NUP214: variants seen among roughly 807,000 people sequenced by gnomAD.
The protein encoded by NUP214 is nucleoporin 214, also known as nuclear pore complex protein Nup214.
NUP214 carries 79 observed loss-of-function variants against 196.2 expected under a neutral mutation model. The ratio of observed to expected loss-of-function variants is 0.40; its 90% CI spans 0.34 to 0.49. The LOEUF is 0.49. NUP214 is among the 20% of genes least tolerant of loss of function. The pLI is 0.58. For synonymous variants in NUP214, 1,020 were observed against 990.5 expected (o/e 1.03, Z -0.56); for missense variants, 2,468 against 2,539.0 (o/e 0.97, Z 0.60).
At chr9:131,156,054 G>T (rs1476160524) in intron 17 of NUP214, among the ~76,000 whole-genome samples, 2 of 150,674 alleles carry the variant, frequency 1.3e-5, no homozygotes, top group African/African-American at 4.9e-5. Flanking sequence ...CATTGAATTT[G>T]TAAATTGTTT....
At chr9:131,126,778 GA>G (rs1185612634) in intron 1 of NUP214, among the ~76,000 whole-genome samples, 1 of 151,998 alleles carries the variant, frequency 6.6e-6, no homozygotes, top group Non-Finnish European at 1.5e-5. Flanking sequence ...TCGAACTCCT[GA>G]CCTAACGTGA....
chr9:131,131,277 G>GT (rs1173594118), intron 5 of NUP214, among the ~76,000 whole-genome samples: 1 of 152,234 alleles, frequency 6.6e-6, no homozygotes, highest in Non-Finnish European at 1.5e-5. Flanking sequence ...TTAAAGGTCT[G>GT]TTTGTCTAAC....
At chr9:131,202,310 G>T (rs185010575) in intron 30 of NUP214, among the ~76,000 whole-genome samples, 4 of 152,028 alleles carry the variant, frequency 2.6e-5, no homozygotes, top group African/African-American at 7.3e-5. Flanking sequence ...GCTTTTGGGG[G>T]GTTTGTTGTT....
chr9:131,139,068 A>G (rs1831826945), intron 9 of NUP214, among the ~76,000 whole-genome samples: 1 of 152,106 alleles, frequency 6.6e-6, no homozygotes, highest in African/African-American at 2.4e-5. Flanking sequence ...GTTGATTTGG[A>G]AAATTAACTT....
chr9:131,193,027 G>T (rs1026088772), intron 27 of NUP214, among the ~76,000 whole-genome samples: 1 of 150,368 alleles, frequency 6.7e-6, no homozygotes, highest in Admixed American at 6.7e-5. Context: ...AAAGATAATA[G>T]GCATTTGAAA....
chr9:131,163,076 A>C lies in NUP214; in HGVS notation c.2626A>C (p.Asn876His), dbSNP rs947271522. ...EIINQQRKRL[N>H]HLVDSLQQLR... is the part of the protein sequence containing the mutation. ...CATCAACCAACAGAGGAAGAGGCTG[A>C]ATCACCTGGTGGATAGTCTTCAGCA... is the stretch of plus-strand genomic sequence containing the variant. Residue 876 changes from asparagine to histidine, a missense_variant, in exon 19 of 36, where the codon AAT (asparagine) becomes CAT (histidine). By Grantham distance (68) the Asn-to-His change is moderately conservative. Around this residue, in one of 5 missense-constraint regions of NUP214, gnomAD observed 1,801 missense variants for 1,779.4 expected, o/e 1.01. Transcript: ENST00000359428. 6.2e-7 allele frequency: 1 copy of C among 1,614,208 alleles called. No homozygotes were observed. The highest frequency in any genetic ancestry group is 8.5e-7 in the Non-Finnish European group (1 of 1,180,040).
At chr9:131,192,118 A>G (rs1301753635) in intron 26 of NUP214, 90 bp from the exon 27 acceptor site, 5 of 849,618 alleles carry the variant, frequency 5.9e-6, no homozygotes, top group Admixed American at 6.0e-5. Context: ...TCACAGGCTG[A>G]GCTACAGGGA....
intron 27 of NUP214, among the ~76,000 whole-genome samples, chr9:131,193,229 A>T (rs1006386954): frequency 3.4e-5 from 5 of 146,248 alleles, no homozygotes; most frequent in Admixed American, 6.7e-5. Flanking sequence ...AACCTGTGTG[A>T]GCTGCTGAAG....
At chr9:131,140,392 C>T (rs914194820) in intron 10 of NUP214, among the ~76,000 whole-genome samples, 157 bp from the exon 11 acceptor site, 16 of 152,242 alleles carry the variant, frequency 1.1e-4, no homozygotes, top group South Asian at 2.1e-4. Flanking sequence ...AGCTGGTGCA[C>T]GAAAGGCTGT....
Position 131,152,437 on chromosome 9 carries a change from A to G in NUP214, c.2436+543A>G, listed in dbSNP as rs550278942. On this transcript the variant is annotated intron_variant, in intron 17 of 35. Transcript: ENST00000359428. ...AAATTTTTTATTAAACCTTAAGCTT[A>G]ATAGAGAATACTCTGTTGAAACATG... Among the ~76,000 whole-genome samples the G allele has an allele frequency of 9.9e-5, 15 of 152,188 alleles. 1 individual carries two copies. The South Asian group carries it at 3.1e-3, about 32-fold the overall frequency.
chr9:131,153,476 G>A (rs905413436), intron 17 of NUP214: 16 of 152,160 alleles, frequency 1.1e-4, no homozygotes, highest in African/African-American at 3.6e-4. Context: ...CTCTCAGCAA[G>A]AGAGTGCTGC....
chr9:131,221,952 C>A (rs1437809479), intron 31 of NUP214, among the ~76,000 whole-genome samples: 1 of 151,702 alleles, frequency 6.6e-6, no homozygotes, highest in African/African-American at 2.4e-5. Context: ...TATTATCTGT[C>A]AGGTTTGCAT....
chr9:131,232,576 G>T lies in NUP214; in HGVS notation c.6239+268G>T, dbSNP rs1315848133. On this transcript the variant is annotated intron_variant, in intron 35 of 35. Coordinates refer to ENST00000359428, the MANE Select transcript of NUP214 (RefSeq NM_005085.4). This position sits in a 1 kb window ranked among gnomAD's most constrained non-coding sequence, Gnocchi z 5.1. ...ACGCCTGCCAGTGAGCTGGGCCTGA[G>T]GGCAGCGCTGAGGAGATGCTGCTCC... 1.4e-5 allele frequency: 8 copies of T among 555,666 alleles called. No homozygotes were observed. Among genetic ancestry groups the T allele is most frequent in the African/African-American group, 3.8e-5 (2 of 52,864 alleles). The allele number at this position is 555,666 out of a possible 1,614,324, so 34.4% of individuals were successfully genotyped here.
Position 131,197,663 on chromosome 9 carries a change from C to T in NUP214, c.4169C>T (p.Ser1390Phe), listed in dbSNP as rs143355140. The T allele has an allele frequency of 2.5e-6, 4 of 1,614,078 alleles. No homozygotes were observed. The African/African-American group carries it at 5.3e-5, about 22-fold the overall frequency. Residue 1390 changes from serine to phenylalanine, a missense_variant, in exon 29 of 36, where the codon TCC (serine) becomes TTC (phenylalanine). This residue lies in a region of NUP214 where 1,801 missense variants were observed against 1,779.4 expected (regional missense o/e 1.01). Transcript: ENST00000359428. ...AAGCACACGGAGCCCCCTGTGACAT[C>T]CTCTGCAACCACCACCTCAGTAGCA... ...LGKHTEPPVT[S>F]SATTTSVAPP...
At chr9:131,213,791 G>GTTGTT (rs549300685) in intron 30 of NUP214, among the ~76,000 whole-genome samples, 63 of 17,682 alleles carry the variant, frequency 3.6e-3, no homozygotes, top group South Asian at 8.7e-3. Context: ...TTGTTGTTAA[G>GTTGTT]AAATTTAAAG....
intron 32 of NUP214, among the ~76,000 whole-genome samples, chr9:131,224,836 G>C (rs141423702): frequency 6.6e-6 from 1 of 152,238 alleles, no homozygotes. Flanking sequence ...AAGGTGCATC[G>C]TGAACATTTC....
In NUP214 at chr9:131,130,151, G is replaced by GTTTTTTTTTTTTTT. The variant is rs56836232; in HGVS notation, c.593-605_593-604insTTTTTTTTTTTTTT. On this transcript the variant is annotated intron_variant, in intron 4 of 35. Transcript: ENST00000359428. ...TTTCTGGTTTTGTTTTTTTTTTTTT[G>GTTTTTTTTTTTTTT]TTTTTTTTTTGAGACAGAGTCTTGC... Among the ~76,000 whole-genome samples the GTTTTTTTTTTTTTT allele has an allele frequency of 2.2e-4, 24 of 109,212 alleles. 3 individuals are homozygous for GTTTTTTTTTTTTTT. Among genetic ancestry groups the GTTTTTTTTTTTTTT allele is most frequent in the African/African-American group, 7.6e-4 (21 of 27,644 alleles). 71.6% of individuals were successfully genotyped at this position (109,212 alleles called of 152,430 possible). A position where few individuals can be genotyped will look rare whatever the true frequency, so the allele number is the denominator to read the frequency against.
intron 21 of NUP214, among the ~76,000 whole-genome samples, chr9:131,166,460 T>G (rs1050036403): frequency 2.6e-5 from 4 of 152,212 alleles, no homozygotes; most frequent in African/African-American, 9.6e-5. Context: ...TCTGCCCACA[T>G]GAAGCTTTTC....
intron 32 of NUP214, among the ~76,000 whole-genome samples, chr9:131,225,246 C>A (rs1224587526): frequency 6.6e-6 from 1 of 151,756 alleles, no homozygotes; most frequent in Non-Finnish European, 1.5e-5. Flanking sequence ...AAACCCGTCT[C>A]TACAAAAAAA....
Sources: allele counts gnomAD v4.1 joint callset (sites outside exome capture counted in the v4.1 genomes callset), GRCh38; gene constraint gnomAD v4.1.1; regional missense constraint gnomAD v4.1.1; non-coding constraint Gnocchi (gnomAD v3.1); transcripts MANE v1.5; gene names NCBI Gene and HGNC (gene_info 2026-07-23, HGNC 2026-07-21).